PKHD1L1: variants seen among roughly 807,000 people sequenced by gnomAD.
The protein encoded by PKHD1L1 is fibrocystin-L.
A neutral mutation model predicts 462.9 loss-of-function variants in PKHD1L1; 434 were observed. That is an observed-to-expected ratio of 0.94 (90% CI 0.87 to 1.02). The LOEUF (loss-of-function observed/expected upper bound fraction) is 1.02. Ranked by LOEUF, PKHD1L1 falls within the 50% of genes least tolerant of loss-of-function variation. PKHD1L1 has a pLI of 0.00. For synonymous variants in PKHD1L1, 1,781 were observed against 1,750.0 expected (o/e 1.02, Z -0.44); for missense variants, 5,202 against 5,096.1 (o/e 1.02, Z -0.63).
At position 109,497,151 on chromosome 8, in the gene PKHD1L1, C is replaced by T. The variant is rs768727330; in HGVS notation, c.10478C>T (p.Thr3493Ile). 3 of 1,613,680 alleles carry T rather than the reference C, an allele frequency of 1.9e-6. No homozygotes were observed. The highest frequency in any genetic ancestry group is 3.3e-5 in the Admixed American group (2 of 60,004). Reference sequence around the variant, plus strand: ...TGTAACCTGCAAATTCTATTGCAGACCACAGAGAGTGTGCACATTTATAAT... The same window carrying T: ...TGTAACCTGCAAATTCTATTGCAGATCACAGAGAGTGTGCACATTTATAAT... ...TCWDYGIYFQ[T>I]TESVHIYNVT... Residue 3493 changes from threonine (T) to isoleucine (I), a missense_variant and splice_region_variant, in exon 65 of 78, where the codon ACC (threonine) becomes ATC (isoleucine). Physicochemically the swap from Thr to Ile is moderately conservative, Grantham distance 89. Transcript: ENST00000378402.
intron 71 of PKHD1L1, among the ~76,000 whole-genome samples, chr8:109,514,019 A>C (rs1820138039): frequency 6.6e-6 from 1 of 152,082 alleles, no homozygotes; most frequent in Non-Finnish European, 1.5e-5. Context: ...TCTCTGTCCA[A>C]GAGTCAGAAT....
At chr8:109,414,813 A>G (rs1814050787) in intron 21 of PKHD1L1, among the ~76,000 whole-genome samples, 1 of 152,066 alleles carries the variant, frequency 6.6e-6, no homozygotes. Flanking sequence ...AAACAAAGAC[A>G]AGAAATAAAA....
chr8:109,378,866 G>A (rs546245385), intron 2 of PKHD1L1, among the ~76,000 whole-genome samples: 1 of 152,252 alleles, frequency 6.6e-6, no homozygotes, highest in Non-Finnish European at 1.5e-5. Context: ...GCATATGAAG[G>A]GACTCATAAT....
chr8:109,499,272 A>T (rs1188792836), intron 67 of PKHD1L1: 1 of 153,170 alleles, frequency 6.5e-6, no homozygotes, highest in Non-Finnish European at 1.5e-5. Context: ...TAGTAAACAC[A>T]TCAATTATTT....
chr8:109,508,392 G>T (rs943775555), intron 70 of PKHD1L1, 128 bp downstream of exon 70: 30 of 961,360 alleles, frequency 3.1e-5, no homozygotes, highest in Non-Finnish European at 4.6e-5. Context: ...CCTTCCATTT[G>T]TAACAATGAG....
chr8:109,377,073 G>A (rs58342416), intron 2 of PKHD1L1, among the ~76,000 whole-genome samples: 32,857 of 152,102 alleles, frequency 0.22, 3,723 homozygotes, highest in South Asian at 0.27. Flanking sequence ...GTGGAACACC[G>A]AAAATGCGTA....
At chr8:109,395,919 T>A in intron 10 of PKHD1L1, 108 bp from the exon 11 acceptor site, 2 of 674,000 alleles carry the variant, frequency 3.0e-6, no homozygotes. Flanking sequence ...GGTAATCTAC[T>A]ACCTGTGTTA....
At chr8:109,489,054 A>G (rs1818695001) in intron 59 of PKHD1L1, among the ~76,000 whole-genome samples, 1 of 151,932 alleles carries the variant, frequency 6.6e-6, no homozygotes, top group South Asian at 2.1e-4. Flanking sequence ...GGCTTTTGTA[A>G]GCCCAGGTGG....
intron 56 of PKHD1L1, 97 bp from the exon 57 acceptor site, chr8:109,482,890 C>T: frequency 1.4e-6 from 1 of 711,944 alleles, no homozygotes; most frequent in Non-Finnish European, 2.1e-6. Context: ...AATGTTTAAT[C>T]ACATAATAAA....
In PKHD1L1 at chr8:109,456,366, A is replaced by G. The variant is rs1185964784; in HGVS notation, c.6979A>G (p.Ile2327Val). ...AGTAACATGGAAACCAGGAGATAAC[A>G]TTGTAATTGCAAGCACAGGACACAG... ...EAVTWKPGDN[I>V]VIASTGHRHS... The change falls in exon 46 of 78, where the codon ATT (isoleucine) becomes GTT (valine). Residue 2327 changes from isoleucine (I) to valine (V), a missense_variant. Ile to Val is a conservative substitution (Grantham distance 29, BLOSUM62 3). Transcript: ENST00000378402. 6.2e-7 allele frequency: 1 copy of G among 1,609,454 alleles called. No individual in the cohort carries two copies. Among genetic ancestry groups the G allele is most frequent in the Non-Finnish European group, 8.5e-7 (1 of 1,177,628 alleles).
At chr8:109,365,084 C>T (rs1811165060) in intron 2 of PKHD1L1, among the ~76,000 whole-genome samples, 1 of 152,184 alleles carries the variant, frequency 6.6e-6, no homozygotes, top group Admixed American at 6.5e-5. Flanking sequence ...CCTTCTCCTG[C>T]CACCCAACCT....
chr8:109,369,626 T>A (rs940351225), intron 2 of PKHD1L1, among the ~76,000 whole-genome samples: 15 of 73,480 alleles, frequency 2.0e-4, no homozygotes, highest in Non-Finnish European at 4.7e-4. Context: ...GATAGGAAAA[T>A]ATATATATAT....
At position 109,445,548 on chromosome 8, in the gene PKHD1L1, T is replaced by C. The variant is rs2130761233; in HGVS notation, c.5679T>C (p.Asp1893=). The change falls in exon 38 of 78, where the codon GAT becomes GAC. Residue 1893 remains aspartate (D), a synonymous_variant. Coordinates refer to ENST00000378402, the MANE Select transcript of PKHD1L1 (RefSeq NM_177531.6). The part of the protein sequence containing the change: ...RTPAGTTGMV[D]VKIFVNTIAY... The stretch of plus-strand genomic sequence containing the variant: ...CCGCTGGGACCACTGGAATGGTCGA[T>C]GTTAAAATCTTTGTTAATACAATTG... 1.2e-6 allele frequency: 2 copies of C among 1,612,998 alleles called. No individual in the cohort carries two copies. The highest frequency in any genetic ancestry group is 1.7e-6 in the Non-Finnish European group (2 of 1,179,406).
intron 32 of PKHD1L1, 77 bp downstream of exon 32, chr8:109,439,169 G>A (rs1210096715): frequency 7.5e-7 from 1 of 1,328,074 alleles, no homozygotes; most frequent in Non-Finnish European, 1.0e-6. Flanking sequence ...AAAGAAGTGG[G>A]CATTAAGCTT....
rs1337417874 is a variant in PKHD1L1, at chr8:109,515,254, A to G, written c.11638A>G (p.Ile3880Val). ...NNLLVCPKTTIWNAQQKHCEL... is the reference protein window; with the variant it reads ...NNLLVCPKTTVWNAQQKHCEL... ...CTTATTGGTCTGTCCAAAAACTACA[A>G]TATGGAATGCCCAGCAGAAACACTG... The change falls in exon 72 of 78, where the codon ATA becomes GTA. Residue 3880 changes from isoleucine to valine, a missense_variant. Around this residue, in one of 3 missense-constraint regions of PKHD1L1, gnomAD observed 698 missense variants for 736.3 expected, o/e 0.95. Transcript: ENST00000378402. 6.2e-7 allele frequency: 1 copy of G among 1,603,878 alleles called. No homozygotes were observed. Among genetic ancestry groups the G allele is most frequent in the Non-Finnish European group, 8.5e-7 (1 of 1,173,770 alleles).
At chr8:109,447,201 C>T (rs984788510) in intron 38 of PKHD1L1, among the ~76,000 whole-genome samples, 1 of 152,142 alleles carries the variant, frequency 6.6e-6, no homozygotes. Context: ...CCAGCCTGGG[C>T]GACAGAGCGA....
chr8:109,445,680 T>C (rs371380346), intron 38 of PKHD1L1, 35 bp downstream of exon 38: 113 of 1,498,706 alleles, frequency 7.5e-5, no homozygotes, highest in Non-Finnish European at 9.1e-5. Context: ...CTTGATATTA[T>C]AGTATCGATA....
At position 109,524,810 on chromosome 8, in the gene PKHD1L1, C is replaced by CTCCTTCCT. The variant is rs10653445; in HGVS notation, c.12484+1433_12484+1440dup. Among the ~76,000 whole-genome samples, 873 of 143,300 alleles carry CTCCTTCCT rather than the reference C, an allele frequency of 6.1e-3. 11 individuals are homozygous for CTCCTTCCT. Among genetic ancestry groups the CTCCTTCCT allele is most frequent in the African/African-American group, 0.022 (834 of 37,540 alleles). The allele number at this position is 143,300 out of a possible 152,430, so 94.0% of individuals were successfully genotyped here. On this transcript the variant is annotated intron_variant, in intron 76 of 77. Coordinates refer to ENST00000378402, the MANE Select transcript of PKHD1L1 (RefSeq NM_177531.6). ...TTTCCTTCCTTCCCTCCCTCCATCC[C>CTCCTTCCT]TCCTTCCTTCCTTCCTCCCTCCCTC...
chr8:109,466,503 A>G, intron 49 of PKHD1L1, 75 bp from the exon 50 acceptor site: 2 of 1,401,984 alleles, frequency 1.4e-6, no homozygotes, highest in East Asian at 2.5e-5. Flanking sequence ...ATGGGTCACA[A>G]TTCTGTATAT....
Sources: gnomAD v4.1 joint callset for allele counts (sites outside exome capture counted in the v4.1 genomes callset) on GRCh38, gnomAD v4.1.1 for gene constraint, gnomAD v4.1.1 regional missense constraint, MANE v1.5 for transcripts, NCBI Gene and HGNC (gene_info 2026-07-23, HGNC 2026-07-21) for gene names.